The following C1orf185 variants were observed in gnomAD, a reference collection of about 807,000 sequenced individuals.
C1orf185 encodes uncharacterized protein C1orf185.
In C1orf185, 13 loss-of-function variants were observed where a neutral mutation model predicts 16.1. The ratio of observed to expected loss-of-function variants is 0.81; its 90% CI spans 0.53 to 1.28. The LOEUF (loss-of-function observed/expected upper bound fraction) is 1.28. Ranked by LOEUF, C1orf185 falls within the 50% of genes most tolerant of loss-of-function variation. C1orf185 has a pLI of 0.00. For missense variants in C1orf185, 220 were observed against 225.2 expected (o/e 0.98, Z 0.15); for synonymous variants, 80 against 76.9 (o/e 1.04, Z -0.21).
chr1:51,147,417 A>G, intron 4 of C1orf185, 50 bp from the exon 5 acceptor site: 1 of 1,413,838 alleles, frequency 7.1e-7, no homozygotes, highest in Non-Finnish European at 9.4e-7. Flanking sequence ...CCTTATAATT[A>G]AGAGTTGGCT....
intron 4 of C1orf185, 106 bp downstream of exon 4, chr1:51,145,866 G>A (rs931412597): frequency 4.1e-6 from 2 of 493,174 alleles, no homozygotes; most frequent in South Asian, 4.8e-5. Flanking sequence ...TATCTTAATG[G>A]TATGAAACTG....
intron 3 of C1orf185, among the ~76,000 whole-genome samples, chr1:51,136,229 T>C (rs1310186671): frequency 1.3e-5 from 2 of 152,182 alleles, no homozygotes; most frequent in Non-Finnish European, 2.9e-5. Context: ...ATGGCCATAC[T>C]GCCCAAAACA....
At chr1:51,133,852 C>G (rs565540638) in intron 3 of C1orf185, among the ~76,000 whole-genome samples, 2 of 152,350 alleles carry the variant, frequency 1.3e-5, no homozygotes, top group African/African-American at 4.8e-5. Flanking sequence ...GTAATCCTAG[C>G]ACTTTGGGAG....
At chr1:51,129,942 CACAT>C (rs1220358222) in intron 3 of C1orf185, among the ~76,000 whole-genome samples, 2 of 152,192 alleles carry the variant, frequency 1.3e-5, no homozygotes, top group African/African-American at 4.8e-5. Context: ...TTTGAGCTGA[CACAT>C]ACATTCAGTC....
At chr1:51,119,725 A>G (rs1304153673) in intron 3 of C1orf185, among the ~76,000 whole-genome samples, 2 of 152,222 alleles carry the variant, frequency 1.3e-5, no homozygotes, top group Non-Finnish European at 2.9e-5. Context: ...CTTTAAGTAC[A>G]GGAGTTTGAA....
chr1:51,104,098 G>A (rs1350075280), intron 1 of C1orf185, among the ~76,000 whole-genome samples: 1 of 152,092 alleles, frequency 6.6e-6, no homozygotes, highest in African/African-American at 2.4e-5. Context: ...TCAGAGTAAG[G>A]ATTATTCTTA....
intron 1 of C1orf185, among the ~76,000 whole-genome samples, chr1:51,111,673 C>T (rs1570290741): frequency 6.6e-6 from 1 of 152,132 alleles, no homozygotes; most frequent in Non-Finnish European, 1.5e-5. Flanking sequence ...GCATGTACCA[C>T]CATGCCCGGC....
At chr1:51,121,440 A>G (rs978689334) in intron 3 of C1orf185, among the ~76,000 whole-genome samples, 1 of 152,152 alleles carries the variant, frequency 6.6e-6, no homozygotes, top group Non-Finnish European at 1.5e-5. Flanking sequence ...GTCACAAATG[A>G]CAAAGTTTCC....
chr1:51,103,993 C>A (rs1430336422), intron 1 of C1orf185, among the ~76,000 whole-genome samples: 1 of 152,180 alleles, frequency 6.6e-6, no homozygotes, highest in East Asian at 1.9e-4. Flanking sequence ...TATATCAGAT[C>A]AAAGCAGACA....
At chr1:51,131,340 G>T (rs1646283743) in intron 3 of C1orf185, among the ~76,000 whole-genome samples, 1 of 152,212 alleles carries the variant, frequency 6.6e-6, no homozygotes, top group Non-Finnish European at 1.5e-5. Context: ...AATTGCTTTT[G>T]CAATTCTTCT....
At position 51,109,461 on chromosome 1, in the gene C1orf185, G is replaced by C. The variant is rs917196349; in HGVS notation, c.17-3003G>C. Among the ~76,000 whole-genome samples the C allele has an allele frequency of 3.3e-5, 5 of 151,942 alleles. No individual in the cohort carries two copies. In the East Asian group the frequency reaches 5.8e-4, roughly 18 times the overall value. Reference sequence around the variant, plus strand: ...TTTTGCTTTTGTTACTTGTGCTTTTGAGGTCTTATTCATAAAATCTTTTCT... The same window carrying C: ...TTTTGCTTTTGTTACTTGTGCTTTTCAGGTCTTATTCATAAAATCTTTTCT... On this transcript the variant is annotated intron_variant, in intron 1 of 4. Transcript: ENST00000371759.
At chr1:51,138,586 C>T (rs1391695922) in intron 3 of C1orf185, among the ~76,000 whole-genome samples, 1 of 152,006 alleles carries the variant, frequency 6.6e-6, no homozygotes, top group Non-Finnish European at 1.5e-5. Flanking sequence ...CAGAGACGGG[C>T]TTTCACCGTG....
intron 3 of C1orf185, among the ~76,000 whole-genome samples, chr1:51,122,674 A>G (rs1646206292): frequency 6.6e-6 from 1 of 152,230 alleles, no homozygotes; most frequent in Non-Finnish European, 1.5e-5. Context: ...CAAATGTGCA[A>G]TCATGTCATT....
intron 1 of C1orf185, among the ~76,000 whole-genome samples, chr1:51,108,935 T>C (rs527862040): frequency 1.3e-5 from 2 of 152,196 alleles, no homozygotes; most frequent in Non-Finnish European, 1.5e-5. Flanking sequence ...TAAATGTATA[T>C]GCAGAAGTGG....
Position 51,147,569 on chromosome 1 carries a change from T to C in C1orf185, c.398T>C (p.Leu133Ser). ...SSTTNRSSVTLSLSTLPSDSY... is the reference protein window; with the variant it reads ...SSTTNRSSVTSSLSTLPSDSY... ...ACAACAAATCGCAGCAGTGTTACAT[T>C]AAGCTTATCAACATTACCATCTGAT... Residue 133 changes from leucine to serine, a missense_variant, in exon 5 of 5, where the codon TTA becomes TCA. Transcript: ENST00000371759. 1 of 1,551,560 alleles carries C rather than the reference T, an allele frequency of 6.4e-7. No individual in the cohort carries two copies. The highest frequency in any genetic ancestry group is 8.7e-7 in the Non-Finnish European group (1 of 1,146,898).
intron 3 of C1orf185, among the ~76,000 whole-genome samples, chr1:51,131,850 C>G (rs764018703): frequency 1.3e-5 from 2 of 152,086 alleles, no homozygotes; most frequent in Admixed American, 1.3e-4. Flanking sequence ...TGGCTGACAC[C>G]ACCCATTAGA....
intron 3 of C1orf185, among the ~76,000 whole-genome samples, chr1:51,145,295 A>G (rs1646391541): frequency 6.9e-6 from 1 of 145,450 alleles, no homozygotes; most frequent in African/African-American, 2.5e-5. Context: ...ACAGAGCAAG[A>G]CCCTGTCTCT....
intron 1 of C1orf185, among the ~76,000 whole-genome samples, chr1:51,111,554 C>A (rs776480541): frequency 6.6e-6 from 1 of 151,084 alleles, no homozygotes; most frequent in Non-Finnish European, 1.5e-5. Context: ...TTTTTTGAGA[C>A]AGAGTCTCAG....
At chr1:51,121,142 T>G (rs543259150) in intron 3 of C1orf185, among the ~76,000 whole-genome samples, 2 of 152,310 alleles carry the variant, frequency 1.3e-5, no homozygotes, top group African/African-American at 4.8e-5. Context: ...TTAGTGATTT[T>G]CAACAATACA....
Sources: allele counts gnomAD v4.1 joint callset (sites outside exome capture counted in the v4.1 genomes callset), GRCh38; gene constraint gnomAD v4.1.1; transcripts MANE v1.5; gene names NCBI Gene and HGNC (gene_info 2026-07-23, HGNC 2026-07-21).